KCNQ1: variants seen among roughly 807,000 people sequenced by gnomAD.
KCNQ1 encodes potassium voltage-gated channel subfamily KQT member 1.
In KCNQ1, 49 loss-of-function variants were observed where a neutral mutation model predicts 72.4. The ratio of observed to expected loss-of-function variants is 0.68; its 90% CI spans 0.54 to 0.86. KCNQ1 has a LOEUF of 0.86. Ranked by LOEUF, KCNQ1 falls within the 40% of genes least tolerant of loss-of-function variation. The pLI is 0.00. For missense variants in KCNQ1, 790 were observed against 945.1 expected, an observed-to-expected ratio of 0.84 and a Z score of 2.15; for synonymous variants, 450 against 412.6, an observed-to-expected ratio of 1.09 and a Z score of -1.10.
chr11:2,751,297 C>A (rs1208468454), intron 11 of KCNQ1, among the ~76,000 whole-genome samples: 1 of 152,242 alleles, frequency 6.6e-6, no homozygotes, highest in Non-Finnish European at 1.5e-5. Flanking sequence ...CATCCAAACC[C>A]TCATCTCCCA....
Position 2,536,005 on chromosome 11 carries a change from G to C in KCNQ1, c.477+7987G>C, listed in dbSNP as rs545767565. 4.6e-5 allele frequency among the ~76,000 whole-genome samples: 7 copies of C among 152,282 alleles called. No homozygotes were observed. The East Asian group carries it at 1.4e-3, about 30-fold the overall frequency. ...CCACGGGGCATGGCATGAAGACCCG[G>C]TGGTTCTGTTCCCCCGGGACAGCCT... On this transcript the variant is annotated intron_variant, in intron 2 of 15. Transcript: ENST00000155840. The surrounding 1 kb of genome is among the most constrained non-coding windows in gnomAD (Gnocchi z 7.4).
chr11:2,721,011 C>T (rs1851193178), intron 11 of KCNQ1, among the ~76,000 whole-genome samples: 1 of 152,108 alleles, frequency 6.6e-6, no homozygotes, highest in Non-Finnish European at 1.5e-5. Flanking sequence ...CATGGACGGT[C>T]CCTGGACACC....
At chr11:2,778,742 A>G (rs868012322) in intron 15 of KCNQ1, among the ~76,000 whole-genome samples, 4 of 152,214 alleles carry the variant, frequency 2.6e-5, no homozygotes, top group Admixed American at 2.0e-4. Flanking sequence ...GTCCGTCTAC[A>G]TGGACTTTAT....
intron 6 of KCNQ1, among the ~76,000 whole-genome samples, chr11:2,578,929 C>T (rs1848460012): frequency 6.6e-6 from 1 of 152,234 alleles, no homozygotes. Context: ...AGTGACTGCC[C>T]AGCCTCAGTT....
intron 7 of KCNQ1, among the ~76,000 whole-genome samples, chr11:2,583,987 T>G (rs558579836): frequency 2.5e-4 from 38 of 151,352 alleles, no homozygotes; most frequent in East Asian, 2.1e-3. Context: ...TGTATGTGGG[T>G]GTGTGTGTGT....
At position 2,621,037 on chromosome 11, in the gene KCNQ1, G is replaced by A; in HGVS notation, c.1393+32183G>A. ...CTGTCTCCCAGGCTGGAGTGCAGTG[G>A]CGCAATCTCGGCTCACTGCAACCTC... On this transcript the variant is annotated intron_variant, in intron 10 of 15. Coordinates refer to ENST00000155840, the MANE Select transcript of KCNQ1 (RefSeq NM_000218.3). This position sits in a 1 kb window ranked among gnomAD's most constrained non-coding sequence, Gnocchi z 5.7. 2.5e-6 allele frequency: 1 copy of A among 397,174 alleles called. No individual in the cohort carries two copies. The highest frequency in any genetic ancestry group is 4.4e-6 in the Non-Finnish European group (1 of 225,862). 24.6% of individuals were successfully genotyped at this position (397,174 alleles called of 1,614,324 possible). A position where few individuals can be genotyped will look rare whatever the true frequency, so the allele number is the denominator to read the frequency against.
At chr11:2,584,109 ATGTG>A (rs746999997) in intron 7 of KCNQ1, among the ~76,000 whole-genome samples, 24 of 152,086 alleles carry the variant, frequency 1.6e-4, no homozygotes, top group Admixed American at 1.3e-3. Flanking sequence ...TATGTACTGT[ATGTG>A]TGCGTGCATA....
At chr11:2,741,889 GC>G (rs1482774078) in intron 11 of KCNQ1, among the ~76,000 whole-genome samples, 1 of 152,186 alleles carries the variant, frequency 6.6e-6, no homozygotes, top group Non-Finnish European at 1.5e-5. Flanking sequence ...GCCACCCCAG[GC>G]AGGGCCAGGG....
intron 2 of KCNQ1, among the ~76,000 whole-genome samples, chr11:2,534,497 T>G (rs1482577542): frequency 1.3e-5 from 2 of 152,220 alleles, no homozygotes; most frequent in East Asian, 3.9e-4. Flanking sequence ...CGCTGAGGGT[T>G]GTCTTCCTCC....
chr11:2,837,065 C>T (rs2299620), intron 15 of KCNQ1, among the ~76,000 whole-genome samples: 17,559 of 152,158 alleles, frequency 0.12, 1,810 homozygotes, highest in East Asian at 0.37. Flanking sequence ...CATGGCAGCC[C>T]TCTCCTGGGG....
intron 15 of KCNQ1, among the ~76,000 whole-genome samples, chr11:2,799,368 A>C (rs1336125597): frequency 7.3e-6 from 1 of 136,420 alleles, no homozygotes; most frequent in African/African-American, 2.7e-5. Context: ...CTGTAGCTGT[A>C]AGTTCGAGTG....
At chr11:2,636,971 A>C (rs1198912941) in intron 10 of KCNQ1, 1 of 152,132 alleles carries the variant, frequency 6.6e-6, no homozygotes, top group African/African-American at 2.4e-5. Flanking sequence ...GTTTATTTGC[A>C]TAGAGGTGTT....
chr11:2,733,822 A>ACT lies in KCNQ1; in HGVS notation c.1515-34988_1515-34987dup, dbSNP rs71029156. Reference sequence around the variant, plus strand: ...CACACACACACACACACACTCTCTCACTCTCTCTCTCTCTCTCTCTCTCTC... The same window carrying ACT: ...CACACACACACACACACACTCTCTCACTCTCTCTCTCTCTCTCTCTCTCTCTC... On this transcript the variant is annotated intron_variant, in intron 11 of 15. Transcript: ENST00000155840. 5.0e-3 allele frequency among the ~76,000 whole-genome samples: 463 copies of ACT among 92,340 alleles called. 18 individuals are homozygous for ACT. The highest frequency in any genetic ancestry group is 0.019 in the Admixed American group (161 of 8,494). 60.6% of individuals were successfully genotyped at this position (92,340 alleles called of 152,430 possible).
Position 2,620,811 on chromosome 11 carries a change from T to C in KCNQ1, c.1393+31957T>C, listed in dbSNP as rs973905245. The C allele has an allele frequency of 2.5e-6, 1 of 398,468 alleles. No individual in the cohort carries two copies. Among genetic ancestry groups the C allele is most frequent in the African/African-American group, 2.1e-5 (1 of 48,622 alleles). 24.7% of individuals were successfully genotyped at this position (398,468 alleles called of 1,614,324 possible). A position where few individuals can be genotyped will look rare whatever the true frequency, so the allele number is the denominator to read the frequency against. On this transcript the variant is annotated intron_variant, in intron 10 of 15. Transcript: ENST00000155840. The surrounding 1 kb of genome is among the most constrained non-coding windows in gnomAD (Gnocchi z 4.5). ...AACTAATTTGTATTCCTGCCAACAG[T>C]GTATAAGCGTTCCCTTTTCTCTGCA... is the stretch of plus-strand genomic sequence containing the variant.
At chr11:2,532,073 G>A (rs1847643897) in intron 2 of KCNQ1, among the ~76,000 whole-genome samples, 1 of 152,160 alleles carries the variant, frequency 6.6e-6, no homozygotes, top group Admixed American at 6.5e-5. Flanking sequence ...GTCCTCGGGA[G>A]TGTCAGCACT....
intron 11 of KCNQ1, chr11:2,693,418 C>T (rs1280179665): frequency 5.0e-6 from 2 of 398,580 alleles, no homozygotes; most frequent in African/African-American, 2.1e-5. Context: ...TGGGAATAAG[C>T]TTGTTTTGCC....
rs1418493862 is a variant in KCNQ1, at chr11:2,748,513, C to T, written c.1515-20331C>T. Among the ~76,000 whole-genome samples, 1 of 152,218 alleles carries T rather than the reference C, an allele frequency of 6.6e-6. No individual in the cohort carries two copies. Among genetic ancestry groups the T allele is most frequent in the Admixed American group, 6.5e-5 (1 of 15,288 alleles). On this transcript the variant is annotated intron_variant, in intron 11 of 15. Transcript: ENST00000155840. The surrounding 1 kb of genome is among the most constrained non-coding windows in gnomAD (Gnocchi z 6.2). ...CTCTTCCTCCAGGTGAGCCCGAGGG[C>T]CCAGCTGGGCGTCCACGTGGAGGTG...
rs561815933 is a variant in KCNQ1 at position 2,678,865 on chromosome 11, G to A, written c.1514+16784G>A. 12 of 398,588 alleles carry A rather than the reference G, an allele frequency of 3.0e-5. No individual in the cohort carries two copies. The Admixed American group carries it at 5.3e-4, about 18-fold the overall frequency. The allele number at this position is 398,588 out of a possible 1,614,324, so 24.7% of individuals were successfully genotyped here. On this transcript the variant is annotated intron_variant, in intron 11 of 15. Transcript: ENST00000155840. This position sits in a 1 kb window ranked among gnomAD's most constrained non-coding sequence, Gnocchi z 4.9. Reference sequence around the variant, plus strand: ...GAATCCAGGTCGGGGGTGCACAGGAGTTGCCAGCTGGACCCAAGGACCATT... The same window carrying A: ...GAATCCAGGTCGGGGGTGCACAGGAATTGCCAGCTGGACCCAAGGACCATT...
chr11:2,504,189 G>A (rs904607372), intron 1 of KCNQ1, among the ~76,000 whole-genome samples: 2 of 152,184 alleles, frequency 1.3e-5, no homozygotes, highest in African/African-American at 4.8e-5. Flanking sequence ...AACATGGATG[G>A]AACTGGAGGT....
Sources: gnomAD v4.1 joint callset for allele counts (sites outside exome capture counted in the v4.1 genomes callset) on GRCh38, gnomAD v4.1.1 for gene constraint, Gnocchi (gnomAD v3.1) non-coding constraint, MANE v1.5 for transcripts, NCBI Gene and HGNC (gene_info 2026-07-23, HGNC 2026-07-21) for gene names.